ERN1: variants seen among roughly 807,000 people sequenced by gnomAD.
The protein encoded by ERN1 is endoplasmic reticulum to nucleus signaling 1, also known as serine/threonine-protein kinase/endoribonuclease IRE1.
A neutral mutation model predicts 113.1 loss-of-function variants in ERN1; 39 were observed. That is an observed-to-expected ratio of 0.34 (90% CI 0.27 to 0.45). ERN1 has a LOEUF of 0.45. ERN1 is among the 20% of genes least tolerant of loss of function. The pLI is 1.00. For missense variants in ERN1, 976 were observed against 1,274.8 expected (o/e 0.77, Z 3.57); for synonymous variants, 507 against 515.9 (o/e 0.98, Z 0.23).
chr17:64,049,771 TCTCA>T lies in ERN1; in HGVS notation c.2254-573_2254-570del, dbSNP rs1912626495. Among the ~76,000 whole-genome samples the T allele has an allele frequency of 6.6e-6, 1 of 152,304 alleles. No individual in the cohort carries two copies. Among genetic ancestry groups the T allele is most frequent in the African/African-American group, 2.4e-5 (1 of 41,562 alleles). On this transcript the variant is annotated intron_variant, in intron 17 of 21. Coordinates refer to ENST00000433197, the MANE Select transcript of ERN1 (RefSeq NM_001433.5). The surrounding 1 kb of genome is among the most constrained non-coding windows in gnomAD (Gnocchi z 4.7). ...TGTTTGATGTTAATCCGAGAAAGCC[TCTCA>T]CTTATCCCATGAAACCATTCTGTGT...
chr17:64,099,946 C>CT (rs1914339132), intron 1 of ERN1, among the ~76,000 whole-genome samples: 1 of 152,222 alleles, frequency 6.6e-6, no homozygotes, highest in African/African-American at 2.4e-5. Flanking sequence ...CGAGTCTACT[C>CT]TGTGCAAAGC....
In ERN1 at chr17:64,065,283, T is replaced by C. The variant is rs915593324; in HGVS notation, c.847A>G (p.Thr283Ala). ...GTAGAGTATTTCCCAACATACAGAGTGGGCCTAGGAGAAAAACAGATACAT... is the reference window on the plus strand; with the variant it reads ...GTAGAGTATTTCCCAACATACAGAGCGGGCCTAGGAGAAAAACAGATACAT... ...ETEAKSKLTP[T>A]LYVGKYSTSL... The change falls in exon 9 of 22, where the codon ACT becomes GCT. Residue 283 changes from threonine to alanine, a missense_variant. Transcript: ENST00000433197. The C allele has an allele frequency of 2.5e-6, 4 of 1,599,546 alleles. No homozygotes were observed. Among genetic ancestry groups the C allele is most frequent in the Non-Finnish European group, 3.4e-6 (4 of 1,172,748 alleles).
intron 2 of ERN1, among the ~76,000 whole-genome samples, chr17:64,092,380 A>C (rs1430846896): frequency 6.6e-6 from 1 of 152,130 alleles, no homozygotes; most frequent in Non-Finnish European, 1.5e-5. Flanking sequence ...CGTGAGAATA[A>C]AATTGTCTTC....
At chr17:64,079,342 C>A (rs1412777488) in intron 4 of ERN1, among the ~76,000 whole-genome samples, 3 of 152,138 alleles carry the variant, frequency 2.0e-5, no homozygotes, top group Non-Finnish European at 4.4e-5. Flanking sequence ...CAAACTATAT[C>A]CCTCCCTCCT....
At position 64,080,086 on chromosome 17, in the gene ERN1, T is replaced by A. The variant is rs180897045; in HGVS notation, c.210-352A>T. The stretch of plus-strand genomic sequence containing the variant: ...TCCACTTTTCAATTTCTACATCAAT[T>A]GTATATAGAACTCCAGCCATTAATA... On this transcript the variant is annotated intron_variant, in intron 3 of 21. Transcript: ENST00000433197. Among the ~76,000 whole-genome samples, 209 of 152,354 alleles carry A rather than the reference T, an allele frequency of 1.4e-3. 1 individual carries two copies. Among genetic ancestry groups the A allele is most frequent in the African/African-American group, 5.0e-3 (206 of 41,580 alleles).
chr17:64,066,413 T>TTA (rs1424220624), intron 8 of ERN1, among the ~76,000 whole-genome samples: 1 of 152,162 alleles, frequency 6.6e-6, no homozygotes, highest in Admixed American at 6.5e-5. Flanking sequence ...GTAGCTGGAA[T>TTA]TACAGGTGTA....
At chr17:64,117,748 C>T (rs1914849293) in intron 1 of ERN1, among the ~76,000 whole-genome samples, 1 of 152,182 alleles carries the variant, frequency 6.6e-6, no homozygotes, top group Non-Finnish European at 1.5e-5. Context: ...GATGAAACCA[C>T]ACCACGGTGT....
rs1233609386 is a variant in ERN1 at position 64,049,884 on chromosome 17, T to G, written c.2254-682A>C. On this transcript the variant is annotated intron_variant, in intron 17 of 21. Coordinates refer to ENST00000433197, the MANE Select transcript of ERN1 (RefSeq NM_001433.5). The surrounding 1 kb of genome is among the most constrained non-coding windows in gnomAD (Gnocchi z 4.7). ...TGGGGTGTAATACCAAGGTGGTTCC[T>G]GAGCACAGCTTGGGTCCCTGTTAGT... is the stretch of plus-strand genomic sequence containing the variant. Among the ~76,000 whole-genome samples the G allele has an allele frequency of 1.3e-5, 2 of 152,308 alleles. No individual in the cohort carries two copies. The highest frequency in any genetic ancestry group is 3.9e-4 in the East Asian group (2 of 5,182).
At chr17:64,080,654 T>C in intron 3 of ERN1, 121 bp downstream of exon 3, 1 of 875,794 alleles carries the variant, frequency 1.1e-6, no homozygotes, top group Non-Finnish European at 1.8e-6. Context: ...ACTTTATATG[T>C]CACTCACTGT....
At chr17:64,055,082 G>A (rs1042122178) in intron 13 of ERN1, among the ~76,000 whole-genome samples, 4 of 152,212 alleles carry the variant, frequency 2.6e-5, no homozygotes, top group African/African-American at 7.2e-5. Context: ...AAACCTTCTG[G>A]AAGGCAGGGA....
intron 18 of ERN1, 78 bp downstream of exon 18, chr17:64,048,977 G>A: frequency 3.6e-6 from 5 of 1,397,384 alleles, no homozygotes; most frequent in South Asian, 3.2e-5. Context: ...GAGTGCAAAG[G>A]TGGCACCAGC....
At chr17:64,109,377 C>T (rs566808230) in intron 1 of ERN1, among the ~76,000 whole-genome samples, 1 of 152,268 alleles carries the variant, frequency 6.6e-6, no homozygotes, top group Non-Finnish European at 1.5e-5. Flanking sequence ...ATAATTGCTA[C>T]CTACACTGGC....
At chr17:64,127,281 C>A (rs1390012599) in intron 1 of ERN1, among the ~76,000 whole-genome samples, 1 of 152,118 alleles carries the variant, frequency 6.6e-6, no homozygotes, top group Admixed American at 6.5e-5. Context: ...AAAGAAATAT[C>A]AAAAACTATT....
intron 1 of ERN1, among the ~76,000 whole-genome samples, chr17:64,115,283 T>C (rs1368478686): frequency 6.6e-6 from 1 of 152,168 alleles, no homozygotes; most frequent in African/African-American, 2.4e-5. Context: ...GTTGGCTGAC[T>C]CTTCTATTTC....
intron 1 of ERN1, among the ~76,000 whole-genome samples, chr17:64,119,114 C>G (rs555726352): frequency 6.6e-6 from 1 of 152,096 alleles, no homozygotes; most frequent in East Asian, 1.9e-4. Flanking sequence ...ATTTCTTAAG[C>G]CTCTTAATAT....
intron 1 of ERN1, among the ~76,000 whole-genome samples, chr17:64,104,562 T>C (rs946180507): frequency 1.3e-5 from 2 of 152,194 alleles, no homozygotes; most frequent in African/African-American, 4.8e-5. Flanking sequence ...CTAATGCCTG[T>C]AATCCCAGCA....
intron 9 of ERN1, among the ~76,000 whole-genome samples, chr17:64,064,436 A>G (rs1468514744): frequency 2.0e-5 from 3 of 152,254 alleles, no homozygotes; most frequent in African/African-American, 4.8e-5. Flanking sequence ...AGAAGCAGAC[A>G]TAAGTGAAGG....
At chr17:64,075,349 A>G in intron 4 of ERN1, 102 bp from the exon 5 acceptor site, 1 of 1,005,500 alleles carries the variant, frequency 9.9e-7, no homozygotes, top group Admixed American at 3.2e-5. Context: ...TCTGCTAAAA[A>G]GAGAGAAGCA....
At chr17:64,094,516 T>C (rs1236805045) in intron 2 of ERN1, among the ~76,000 whole-genome samples, 1 of 152,112 alleles carries the variant, frequency 6.6e-6, no homozygotes, top group African/African-American at 2.4e-5. Context: ...AAGGAAGCGC[T>C]GGGTCCCTCC....
Sources: gnomAD v4.1 joint callset for allele counts (sites outside exome capture counted in the v4.1 genomes callset) on GRCh38, gnomAD v4.1.1 for gene constraint, Gnocchi (gnomAD v3.1) non-coding constraint, MANE v1.5 for transcripts, NCBI Gene and HGNC (gene_info 2026-07-23, HGNC 2026-07-21) for gene names.